Variants in PCDHA3 observed in about 807,000 individuals in gnomAD.
PCDHA3 encodes the protein protocadherin alpha-3.
A neutral mutation model predicts 62.2 loss-of-function variants in PCDHA3; 41 were observed. The observed-to-expected ratio is 0.66, with a 90% CI of 0.51 to 0.86. The LOEUF (loss-of-function observed/expected upper bound fraction) is 0.86. Ranked by LOEUF, PCDHA3 falls within the 40% of genes least tolerant of loss-of-function variation. The pLI is 0.00. For synonymous variants in PCDHA3, 640 were observed against 555.4 expected (o/e 1.15, Z -2.14); for missense variants, 1,304 against 1,241.2 (o/e 1.05, Z -0.76).
At position 140,803,489 on chromosome 5, in the gene PCDHA3, GC is replaced by G; in HGVS notation, c.2295del (p.Lys766ArgfsTer47). ...QQRVCSGEGL[P>X]KTDLMAFSPS... ...AGAGGGTGTGCTCTGGAGAGGGGTTGCCCAAGACCGACCTCATGGCTTTTAG... is the reference window on the plus strand; with the variant it reads ...AGAGGGTGTGCTCTGGAGAGGGGTTGCCAAGACCGACCTCATGGCTTTTAG... On this transcript the variant is annotated frameshift_variant, in exon 1 of 4. Coordinates refer to ENST00000522353, the MANE Select transcript of PCDHA3 (RefSeq NM_018906.3). LOFTEE classifies it high-confidence loss of function. The G allele has an allele frequency of 6.2e-7, 1 of 1,614,236 alleles. No individual in the cohort carries two copies. Among genetic ancestry groups the G allele is most frequent in the African/African-American group, 1.3e-5 (1 of 75,064 alleles).
intron 3 of PCDHA3, among the ~76,000 whole-genome samples, chr5:140,999,615 A>G (rs535054544): frequency 5.3e-5 from 8 of 152,322 alleles, no homozygotes; most frequent in Admixed American, 3.3e-4. Flanking sequence ...GACCTTATCA[A>G]CCAGGAAACA....
intron 1 of PCDHA3, chr5:140,864,834 A>T (rs2048619369): frequency 6.6e-6 from 1 of 152,166 alleles, no homozygotes; most frequent in African/African-American, 2.4e-5. Context: ...TTTAAGTATA[A>T]GAGAGTCTTC....
At chr5:140,883,066 C>G in intron 1 of PCDHA3, 1 of 1,614,070 alleles carries the variant, frequency 6.2e-7, no homozygotes. Flanking sequence ...AGCTAAATGC[C>G]ACAGATCCTG....
At chr5:140,832,585 T>G (rs1306103831) in intron 1 of PCDHA3, among the ~76,000 whole-genome samples, 1 of 152,188 alleles carries the variant, frequency 6.6e-6, no homozygotes, top group Admixed American at 6.5e-5. Flanking sequence ...TCTTAGGAAG[T>G]AGAGAACTAT....
intron 1 of PCDHA3, chr5:140,836,293 T>C (rs2150257030): frequency 1.2e-6 from 2 of 1,613,634 alleles, no homozygotes; most frequent in African/African-American, 2.7e-5. Flanking sequence ...ACACGAGCCC[T>C]AGATGAGACG....
chr5:140,859,547 A>G (rs1185528654), intron 1 of PCDHA3: 1 of 181,734 alleles, frequency 5.5e-6, no homozygotes, highest in Non-Finnish European at 1.1e-5. Flanking sequence ...TTCTAGTGTT[A>G]CCAAACACCA....
At chr5:140,917,070 G>A (rs528403297) in intron 1 of PCDHA3, among the ~76,000 whole-genome samples, 14 of 152,102 alleles carry the variant, frequency 9.2e-5, no homozygotes, top group Non-Finnish European at 1.9e-4. Context: ...ACAGCACCGA[G>A]TTTAATGTAA....
intron 1 of PCDHA3, chr5:140,841,240 A>C: frequency 6.7e-7 from 1 of 1,487,570 alleles, no homozygotes; most frequent in South Asian, 1.4e-5. Flanking sequence ...GATGCAGCGG[A>C]ATTGGATTAA....
At chr5:140,863,749 G>C (rs1346198553) in intron 1 of PCDHA3, 1 of 245,376 alleles carries the variant, frequency 4.1e-6, no homozygotes, top group Non-Finnish European at 8.0e-6. Flanking sequence ...TTGTAATCCC[G>C]GCACTTTGGG....
At chr5:140,850,703 G>A (rs1191486729) in intron 1 of PCDHA3, 2 of 1,598,114 alleles carry the variant, frequency 1.3e-6, no homozygotes, top group African/African-American at 2.7e-5. Flanking sequence ...CGCCTGGCAA[G>A]CCGACGCTGG....
intron 1 of PCDHA3, among the ~76,000 whole-genome samples, chr5:140,897,369 T>C (rs183566624): frequency 0.013 from 1,702 of 128,706 alleles, 36 homozygotes; most frequent in African/African-American, 0.049. Flanking sequence ...GAGTGTGATG[T>C]TCCCTTCCCC....
intron 1 of PCDHA3, chr5:140,859,133 A>C (rs1196792734): frequency 6.7e-6 from 1 of 150,106 alleles, no homozygotes; most frequent in Non-Finnish European, 1.5e-5. Flanking sequence ...TTTTATTTAC[A>C]TAATTTTATC....
chr5:140,862,550 G>A, intron 1 of PCDHA3: 2 of 458,460 alleles, frequency 4.4e-6, no homozygotes, highest in Admixed American at 2.4e-5. Flanking sequence ...GGAAGTGGCC[G>A]AACAGTGAAC....
At chr5:140,871,125 G>A (rs1387416665) in intron 1 of PCDHA3, 1 of 1,613,330 alleles carries the variant, frequency 6.2e-7, no homozygotes. Context: ...GCGGACAGGC[G>A]CCAAAGGCCT....
chr5:140,819,098 AT>A (rs1766490568), intron 1 of PCDHA3, among the ~76,000 whole-genome samples: 2 of 152,214 alleles, frequency 1.3e-5, no homozygotes, highest in African/African-American at 4.8e-5. Flanking sequence ...TGTGTATTAT[AT>A]GCTCATGGTA....
chr5:140,803,125 C>G lies in PCDHA3; in HGVS notation c.1928C>G (p.Pro643Arg), dbSNP rs781899440. 1.9e-6 allele frequency: 3 copies of G among 1,613,678 alleles called. No individual in the cohort carries two copies. Among genetic ancestry groups the G allele is most frequent in the East Asian group, 2.2e-5 (1 of 44,888 alleles). ...CGTGCCCTGGACGAGGTGGACGCCC[C>G]GCGCCATCGCCTACTGGTGCTGGTG... Reference protein sequence around the residue: ...TTRALDEVDAPRHRLLVLVKD... With the variant: ...TTRALDEVDARRHRLLVLVKD... Residue 643 changes from proline (P) to arginine (R), a missense_variant, in exon 1 of 4, where the codon CCG (proline) becomes CGG (arginine). Coordinates refer to ENST00000522353, the MANE Select transcript of PCDHA3 (RefSeq NM_018906.3).
chr5:140,906,192 C>G (rs2072444836), intron 1 of PCDHA3, among the ~76,000 whole-genome samples: 1 of 152,182 alleles, frequency 6.6e-6, no homozygotes, highest in Non-Finnish European at 1.5e-5. Context: ...TCAATCCAAT[C>G]AAGTTGACAC....
intron 3 of PCDHA3, among the ~76,000 whole-genome samples, chr5:140,998,105 A>G (rs1554256162): frequency 6.6e-6 from 1 of 152,204 alleles, no homozygotes; most frequent in African/African-American, 2.4e-5. Context: ...CAAACAGAGG[A>G]GAAAATTTAC....
chr5:140,823,878 C>G (rs142924665), intron 1 of PCDHA3: 3 of 1,613,924 alleles, frequency 1.9e-6, no homozygotes, highest in Non-Finnish European at 2.5e-6. Context: ...ACCTGATCAT[C>G]GCCATCTGTG....
Sources: gnomAD v4.1 joint callset for allele counts (sites outside exome capture counted in the v4.1 genomes callset) on GRCh38, gnomAD v4.1.1 for gene constraint, MANE v1.5 for transcripts, NCBI Gene and HGNC (gene_info 2026-07-23, HGNC 2026-07-21) for gene names.